Variants in FRY observed in about 807,000 individuals in gnomAD.
The protein encoded by FRY is FRY microtubule binding protein.
A neutral mutation model predicts 348.4 loss-of-function variants in FRY; 128 were observed. The ratio of observed to expected loss-of-function variants is 0.37; its 90% CI spans 0.32 to 0.43. FRY has a LOEUF of 0.43. FRY is among the 20% of genes least tolerant of loss of function. FRY has a pLI of 1.00. For missense variants in FRY, 2,736 were observed against 3,695.2 expected (o/e 0.74, Z 6.73); for synonymous variants, 1,370 against 1,374.7 (o/e 1.00, Z 0.08).
At chr13:32,209,884 A>C (rs1406371098) in intron 33 of FRY, among the ~76,000 whole-genome samples, 153 bp downstream of exon 33, 1 of 152,230 alleles carries the variant, frequency 6.6e-6, no homozygotes, top group African/African-American at 2.4e-5. Context: ...ATTACATAAA[A>C]GTTCCCTTCT....
intron 38 of FRY, 130 bp downstream of exon 38, chr13:32,225,166 C>T (rs1254824661): frequency 1.4e-6 from 1 of 710,570 alleles, no homozygotes; most frequent in African/African-American, 1.7e-5. Context: ...CACCATTTTT[C>T]ATTGCCCTTT....
At chr13:32,159,094 T>C (rs1881295165) in intron 16 of FRY, among the ~76,000 whole-genome samples, 1 of 152,168 alleles carries the variant, frequency 6.6e-6, no homozygotes, top group South Asian at 2.1e-4. Flanking sequence ...ATTTTATTTA[T>C]GTTTTAATCA....
intron 22 of FRY, 32 bp from the exon 23 acceptor site, chr13:32,179,643 C>T (rs1465634128): frequency 1.2e-6 from 2 of 1,609,852 alleles, no homozygotes; most frequent in Admixed American, 1.7e-5. Flanking sequence ...TACCATGTTA[C>T]CTCTTTTTCA....
intron 53 of FRY, among the ~76,000 whole-genome samples, chr13:32,264,026 T>C (rs1186647360): frequency 6.6e-6 from 1 of 152,094 alleles, no homozygotes; most frequent in African/African-American, 2.4e-5. Flanking sequence ...AAGTAATACC[T>C]ACGTAATAGA....
intron 1 of FRY, among the ~76,000 whole-genome samples, chr13:32,059,175 T>G (rs76681843): frequency 0.014 from 2,138 of 151,474 alleles, 50 homozygotes; most frequent in African/African-American, 0.049. Context: ...AGAGGATACT[T>G]TTTTTTTTCA....
At chr13:32,276,438 A>T (rs1888540907) in intron 56 of FRY, 26 bp from the exon 57 acceptor site, 3 of 1,184,740 alleles carry the variant, frequency 2.5e-6, no homozygotes, top group Non-Finnish European at 3.8e-6. Context: ...CTCTAGTTTT[A>T]ATACCAATTA....
chr13:32,062,935 TGTATATTA>T (rs1173237328), intron 1 of FRY, among the ~76,000 whole-genome samples: 2 of 151,852 alleles, frequency 1.3e-5, no homozygotes, highest in Non-Finnish European at 2.9e-5. Context: ...TATATGCATA[TGTATATTA>T]GTATATACAT....
chr13:32,072,434 T>A (rs1037958745), intron 1 of FRY, among the ~76,000 whole-genome samples: 12 of 152,192 alleles, frequency 7.9e-5, no homozygotes, highest in African/African-American at 2.9e-4. Context: ...AACTATTGAT[T>A]TTTTTTGTCC....
intron 1 of FRY, among the ~76,000 whole-genome samples, chr13:32,077,415 C>T (rs1014031332): frequency 6.6e-6 from 1 of 151,984 alleles, no homozygotes; most frequent in Non-Finnish European, 1.5e-5. Context: ...GGAAAGGAAA[C>T]GAGATAATAT....
intron 53 of FRY, 91 bp downstream of exon 53, chr13:32,262,566 CAAGT>C: frequency 2.1e-6 from 2 of 943,372 alleles, no homozygotes; most frequent in Non-Finnish European, 3.4e-6. Context: ...TAAGGGGTCT[CAAGT>C]AGAAAGACTA....
In FRY at chr13:32,208,888, G is replaced by A. The variant is rs1251091885; in HGVS notation, c.4054G>A (p.Gly1352Arg). The change falls in exon 32 of 61, where the codon GGG becomes AGG. Residue 1352 changes from glycine (G) to arginine (R), a missense_variant. Physicochemically the swap from Gly to Arg is moderately radical, Grantham distance 125 (BLOSUM62 -2). Around this residue, in one of 9 missense-constraint regions of FRY, gnomAD observed 794 missense variants for 977.0 expected, o/e 0.81. Transcript: ENST00000542859. The part of the protein sequence containing the change: ...SQRFPTTHPN[G>R]RQIMLTYLLP... Reference sequence around the variant, plus strand: ...GCGATTCCCCACAACACACCCCAACGGGCGCCAGATCATGCTTACCTACCT... The same window carrying A: ...GCGATTCCCCACAACACACCCCAACAGGCGCCAGATCATGCTTACCTACCT... 8.1e-6 allele frequency: 13 copies of A among 1,614,012 alleles called. No homozygotes were observed. Among genetic ancestry groups the A allele is most frequent in the East Asian group, 2.2e-5 (1 of 44,898 alleles).
intron 28 of FRY, among the ~76,000 whole-genome samples, chr13:32,193,115 A>G (rs1883449706): frequency 6.6e-6 from 1 of 150,984 alleles, no homozygotes; most frequent in East Asian, 1.9e-4. Flanking sequence ...ACAAATGTGC[A>G]TATTCACTGA....
chr13:32,249,399 G>T (rs1055954458), intron 48 of FRY, 127 bp from the exon 49 acceptor site: 3 of 983,060 alleles, frequency 3.1e-6, no homozygotes, highest in Non-Finnish European at 4.7e-6. Context: ...GAGCCCACTT[G>T]TAACACTGAA....
At position 32,177,449 on chromosome 13, in the gene FRY, C is replaced by T. The variant is rs188163074; in HGVS notation, c.2422-728C>T. 2.6e-3 allele frequency among the ~76,000 whole-genome samples: 397 copies of T among 152,002 alleles called. 4 individuals carry two copies. Among genetic ancestry groups the T allele is most frequent in the African/African-American group, 8.9e-3 (369 of 41,440 alleles). On this transcript the variant is annotated intron_variant, in intron 20 of 60. Coordinates refer to ENST00000542859, the MANE Select transcript of FRY (RefSeq NM_023037.3). ...TTCTAAAAAATAATACAAAAATTAGCGAGGTGTGGTGGCGATTGCCTGTAA... is the reference window on the plus strand; with the variant it reads ...TTCTAAAAAATAATACAAAAATTAGTGAGGTGTGGTGGCGATTGCCTGTAA...
chr13:32,048,641 G>T (rs1294184765), intron 1 of FRY, among the ~76,000 whole-genome samples: 1 of 152,022 alleles, frequency 6.6e-6, no homozygotes, highest in Non-Finnish European at 1.5e-5. Context: ...TACCTTCTAG[G>T]CACTTTTGCC....
chr13:32,209,793 C>G, intron 33 of FRY, 62 bp downstream of exon 33: 1 of 1,521,580 alleles, frequency 6.6e-7, no homozygotes, highest in Non-Finnish European at 9.1e-7. Flanking sequence ...GTGCAATTTG[C>G]AAGTCAGAAT....
chr13:32,177,759 C>T (rs1446948768), intron 20 of FRY, among the ~76,000 whole-genome samples: 3 of 152,062 alleles, frequency 2.0e-5, no homozygotes, highest in Admixed American at 1.3e-4. Context: ...GCTTTAAGAA[C>T]GTGTTAATTA....
At chr13:32,048,338 C>G (rs551953644) in intron 1 of FRY, among the ~76,000 whole-genome samples, 1 of 152,250 alleles carries the variant, frequency 6.6e-6, no homozygotes, top group South Asian at 2.1e-4. Context: ...TCTGAAGTCT[C>G]TTTCCTCTGT....
At chr13:32,183,646 C>T (rs1231416961) in intron 24 of FRY, among the ~76,000 whole-genome samples, 3 of 151,958 alleles carry the variant, frequency 2.0e-5, no homozygotes, top group Admixed American at 6.6e-5. Flanking sequence ...CGTGGTGGCA[C>T]GCGCCTGTAG....
Sources: gnomAD v4.1 joint callset for allele counts (sites outside exome capture counted in the v4.1 genomes callset) on GRCh38, gnomAD v4.1.1 for gene constraint, gnomAD v4.1.1 regional missense constraint, MANE v1.5 for transcripts, NCBI Gene and HGNC (gene_info 2026-07-23, HGNC 2026-07-21) for gene names.